The following RBFOX1 variants were observed in gnomAD, a reference collection of about 807,000 sequenced individuals.
The protein encoded by RBFOX1 is RNA binding protein fox-1 homolog 1.
In RBFOX1, 8 loss-of-function variants were observed where a neutral mutation model predicts 57.7. The ratio of observed to expected loss-of-function variants is 0.14; its 90% CI spans 0.08 to 0.25. RBFOX1 has a LOEUF of 0.25. RBFOX1 is among the 10% of genes least tolerant of loss of function. The pLI is 1.00. For synonymous variants in RBFOX1, 326 were observed against 222.4 expected, an observed-to-expected ratio of 1.47 and a Z score of -4.15; for missense variants, 611 against 548.5, an observed-to-expected ratio of 1.11 and a Z score of -1.14.
intron 4 of RBFOX1, among the ~76,000 whole-genome samples, chr16:5,868,206 C>T (rs9925189): frequency 3.9e-5 from 6 of 152,002 alleles, no homozygotes; most frequent in Non-Finnish European, 5.9e-5. Context: ...CACTCTCACT[C>T]CTGAGCCACT....
chr16:6,070,759 C>T (rs530135833), intron 1 of RBFOX1, among the ~76,000 whole-genome samples: 76 of 151,712 alleles, frequency 5.0e-4, no homozygotes, highest in African/African-American at 1.7e-3. Context: ...TATTTTTTGT[C>T]CTCTAGTTTC....
At chr16:7,644,893 G>T (rs2063462383) in intron 11 of RBFOX1, among the ~76,000 whole-genome samples, 2 of 152,178 alleles carry the variant, frequency 1.3e-5, no homozygotes, top group Admixed American at 1.3e-4. Flanking sequence ...ACTGAGAACT[G>T]AATTTGGGAG....
intron 4 of RBFOX1, among the ~76,000 whole-genome samples, chr16:7,246,901 A>C (rs754908883): frequency 2.0e-5 from 3 of 152,070 alleles, no homozygotes; most frequent in Non-Finnish European, 2.9e-5. Flanking sequence ...AAAGTTATAC[A>C]ACCTCCCTAA....
intron 4 of RBFOX1, among the ~76,000 whole-genome samples, chr16:7,123,077 CAA>C (rs2067569715): frequency 1.3e-5 from 2 of 152,086 alleles, no homozygotes; most frequent in African/African-American, 4.8e-5. Flanking sequence ...ATGAATAGCA[CAA>C]GAGAGTTTTT....
At chr16:5,272,285 A>T (rs886990100) in intron 1 of RBFOX1, among the ~76,000 whole-genome samples, 30 of 152,392 alleles carry the variant, frequency 2.0e-4, no homozygotes, top group African/African-American at 6.7e-4. Context: ...TGATCTAATC[A>T]TTCCACATTG....
chr16:6,767,607 G>A (rs2077523473), intron 3 of RBFOX1, among the ~76,000 whole-genome samples: 1 of 151,966 alleles, frequency 6.6e-6, no homozygotes, highest in African/African-American at 2.4e-5. Context: ...AAATCCCAAA[G>A]AACTCATCCC....
intron 1 of RBFOX1, among the ~76,000 whole-genome samples, chr16:5,291,407 C>G (rs1237157118): frequency 6.6e-6 from 1 of 152,006 alleles, no homozygotes; most frequent in African/African-American, 2.4e-5. Context: ...GGACTACAGG[C>G]ACCCGCCACC....
At chr16:7,703,207 G>C (rs571951788) in intron 14 of RBFOX1, among the ~76,000 whole-genome samples, 1 of 152,160 alleles carries the variant, frequency 6.6e-6, no homozygotes, top group Non-Finnish European at 1.5e-5. Flanking sequence ...TAGATATAAG[G>C]ATAAAGGAGG....
At chr16:5,311,865 T>C (rs544492144) in intron 1 of RBFOX1, among the ~76,000 whole-genome samples, 2 of 152,328 alleles carry the variant, frequency 1.3e-5, no homozygotes, top group East Asian at 1.9e-4. Context: ...GCCTGGGAAG[T>C]AGCTCTGACA....
At chr16:6,681,969 A>G (rs1227945835) in intron 3 of RBFOX1, among the ~76,000 whole-genome samples, 1 of 152,154 alleles carries the variant, frequency 6.6e-6, no homozygotes, top group Non-Finnish European at 1.5e-5. Context: ...TCTTTTCTGA[A>G]CCTTTATTTC....
At chr16:5,759,793 AT>A (rs35699391) in intron 3 of RBFOX1, among the ~76,000 whole-genome samples, 38,355 of 151,380 alleles carry the variant, frequency 0.25, 5,512 homozygotes, top group East Asian at 0.56. Flanking sequence ...CCTCTCTGGG[AT>A]TTTTTTTTCT....
At chr16:7,525,551 G>A (rs1194797855) in intron 5 of RBFOX1, among the ~76,000 whole-genome samples, 2 of 152,102 alleles carry the variant, frequency 1.3e-5, no homozygotes, top group African/African-American at 2.4e-5. Context: ...ACCTAAGAAG[G>A]CCTGACACCC....
Position 7,539,956 on chromosome 16 carries a change from C to T in RBFOX1, c.270+21567C>T, listed in dbSNP as rs117393307. On this transcript the variant is annotated intron_variant, in intron 5 of 15. Transcript: ENST00000550418. Reference sequence around the variant, plus strand: ...CCTGGGTTCAAATCCCAACGTTGCCCTTTATTCACTGCATGACTTTGGGAA... The same window carrying T: ...CCTGGGTTCAAATCCCAACGTTGCCTTTTATTCACTGCATGACTTTGGGAA... Among the ~76,000 whole-genome samples, 637 of 152,296 alleles carry T rather than the reference C, an allele frequency of 4.2e-3. 7 individuals are homozygous for T. The highest frequency in any genetic ancestry group is 7.7e-3 in the Admixed American group (118 of 15,300).
At chr16:6,844,002 C>T (rs897702280) in intron 3 of RBFOX1, among the ~76,000 whole-genome samples, 6 of 152,082 alleles carry the variant, frequency 3.9e-5, no homozygotes, top group Admixed American at 2.6e-4. Flanking sequence ...AAGGATATGG[C>T]ATTTTCTGTC....
intron 1 of RBFOX1, among the ~76,000 whole-genome samples, chr16:5,320,206 G>A (rs1034984307): frequency 1.6e-4 from 24 of 152,190 alleles, no homozygotes; most frequent in African/African-American, 5.3e-4. Context: ...AAATCACTTA[G>A]CTCATTCTGG....
rs530285452 is a variant in RBFOX1 at position 6,864,175 on chromosome 16, C to T, written c.-15-187882C>T. 6.6e-5 allele frequency among the ~76,000 whole-genome samples: 10 copies of T among 152,144 alleles called. No individual in the cohort carries two copies. The South Asian group carries it at 2.1e-3, about 32-fold the overall frequency. On this transcript the variant is annotated intron_variant, in intron 3 of 15. Transcript: ENST00000550418. ...TTTCAGGGAAATTATTTTAATAATT[C>T]TTGTCCCATTACATAAATAATTCAC...
intron 2 of RBFOX1, among the ~76,000 whole-genome samples, chr16:6,423,739 G>A (rs2093841132): frequency 6.6e-6 from 1 of 152,132 alleles, no homozygotes; most frequent in Admixed American, 6.6e-5. Context: ...GGGAGGTGTA[G>A]GAATCCCAGC....
chr16:7,463,307 C>G (rs1436323960), intron 4 of RBFOX1, among the ~76,000 whole-genome samples: 1 of 152,010 alleles, frequency 6.6e-6, no homozygotes, highest in Non-Finnish European at 1.5e-5. Context: ...AGTTCAAGAC[C>G]AGCATGGGCA....
chr16:6,247,171 A>T (rs2097573924), intron 1 of RBFOX1, among the ~76,000 whole-genome samples: 1 of 152,198 alleles, frequency 6.6e-6, no homozygotes, highest in Non-Finnish European at 1.5e-5. Flanking sequence ...TAACAATTAA[A>T]TTCAGTATGT....
Sources: gnomAD v4.1 joint callset for allele counts (sites outside exome capture counted in the v4.1 genomes callset) on GRCh38, gnomAD v4.1.1 for gene constraint, MANE v1.5 for transcripts, NCBI Gene and HGNC (gene_info 2026-07-23, HGNC 2026-07-21) for gene names.